GIGYF2: variants seen among roughly 807,000 people sequenced by gnomAD.
GIGYF2 encodes the protein GRB10 interacting GYF protein 2.
A neutral mutation model predicts 208.1 loss-of-function variants in GIGYF2; 25 were observed. That is an observed-to-expected ratio of 0.12 (90% confidence interval 0.09 to 0.17). The LOEUF is 0.17. Ranked by LOEUF, GIGYF2 falls within the 10% of genes least tolerant of loss-of-function variation. The pLI, the probability that GIGYF2 is intolerant of heterozygous loss-of-function variation, is 1.00. For synonymous variants in GIGYF2, 534 were observed against 543.8 expected (o/e 0.98, Z 0.25); for missense variants, 1,302 against 1,579.4 (o/e 0.82, Z 2.98).
intron 8 of GIGYF2, among the ~76,000 whole-genome samples, chr2:232,785,090 T>C (rs546631457): frequency 4.6e-5 from 6 of 129,672 alleles, no homozygotes; most frequent in African/African-American, 1.6e-4. Flanking sequence ...CTTCTTCTTC[T>C]TTTTTTTTTT....
At chr2:232,784,200 G>A (rs1354070771) in intron 8 of GIGYF2, among the ~76,000 whole-genome samples, 1 of 152,066 alleles carries the variant, frequency 6.6e-6, no homozygotes, top group African/African-American at 2.4e-5. Flanking sequence ...TTATACAGAA[G>A]TGCCCTTCTA....
chr2:232,753,109 T>G (rs1158374982), intron 5 of GIGYF2, among the ~76,000 whole-genome samples: 10 of 148,746 alleles, frequency 6.7e-5, no homozygotes, highest in Admixed American at 2.7e-4. Context: ...ATTTATTTAT[T>G]TATTTATTTA....
In GIGYF2 at chr2:232,812,040, A is replaced by G. The variant is rs1400459474; in HGVS notation, c.2007-351A>G. 2.6e-5 allele frequency among the ~76,000 whole-genome samples: 4 copies of G among 152,304 alleles called. No individual in the cohort carries two copies. In the East Asian group the frequency reaches 7.7e-4, roughly 29 times the overall value. ...ACTAAAATGCAGACCTTTTTTCATT[A>G]TAATATGCTGTCTCTGTGACTTCTA... On this transcript the variant is annotated intron_variant, in intron 17 of 28. Transcript: ENST00000373563.
At chr2:232,853,433 C>T (rs1479812042) in intron 28 of GIGYF2, among the ~76,000 whole-genome samples, 2 of 152,180 alleles carry the variant, frequency 1.3e-5, no homozygotes, top group South Asian at 2.1e-4. Flanking sequence ...CGTGCCACCA[C>T]GCCAGCTACT....
chr2:232,722,378 A>G (rs943882113), intron 2 of GIGYF2, among the ~76,000 whole-genome samples: 3 of 152,146 alleles, frequency 2.0e-5, no homozygotes, highest in African/African-American at 7.2e-5. Context: ...AGAGCCCCTT[A>G]TAAAACCATC....
chr2:232,835,364 A>G (rs1480023682), intron 22 of GIGYF2, among the ~76,000 whole-genome samples: 1 of 152,156 alleles, frequency 6.6e-6, no homozygotes, highest in Non-Finnish European at 1.5e-5. Context: ...CTGTCATCAT[A>G]CCTTCCTTTA....
intron 2 of GIGYF2, among the ~76,000 whole-genome samples, chr2:232,716,867 A>G (rs1696707019): frequency 1.3e-5 from 2 of 151,886 alleles, no homozygotes; most frequent in African/African-American, 2.4e-5. Context: ...GTGCAGTGTC[A>G]TGATCACAGC....
chr2:232,853,392 C>G (rs1690432665), intron 28 of GIGYF2, among the ~76,000 whole-genome samples: 1 of 152,198 alleles, frequency 6.6e-6, no homozygotes. Flanking sequence ...TTTCCCCTGC[C>G]TCAGCCTCCC....
chr2:232,817,250 A>G (rs549162836), intron 20 of GIGYF2, among the ~76,000 whole-genome samples: 5 of 152,324 alleles, frequency 3.3e-5, no homozygotes, highest in Admixed American at 2.0e-4. Flanking sequence ...TATTCTTTGC[A>G]TATTTCCTAG....
intron 19 of GIGYF2, among the ~76,000 whole-genome samples, chr2:232,816,508 T>G (rs1488478028): frequency 1.3e-5 from 2 of 152,178 alleles, no homozygotes; most frequent in African/African-American, 4.8e-5. Flanking sequence ...GATGTTACTC[T>G]CATGGGTGGT....
intron 5 of GIGYF2, 88 bp from the exon 6 acceptor site, chr2:232,756,135 G>C: frequency 1.3e-6 from 1 of 748,284 alleles, no homozygotes; most frequent in Non-Finnish European, 2.2e-6. Context: ...GGAATGTGGG[G>C]AGAAGCAACA....
At chr2:232,733,212 G>A (rs939064666) in intron 2 of GIGYF2, among the ~76,000 whole-genome samples, 2 of 149,714 alleles carry the variant, frequency 1.3e-5, no homozygotes, top group African/African-American at 4.9e-5. Context: ...AGCCGTGATC[G>A]CGCCACTGTA....
At chr2:232,828,364 T>G (rs1189931058) in intron 21 of GIGYF2, among the ~76,000 whole-genome samples, 1 of 151,640 alleles carries the variant, frequency 6.6e-6, no homozygotes, top group Non-Finnish European at 1.5e-5. Flanking sequence ...TTTTAAAAAT[T>G]TATTGACTTT....
intron 2 of GIGYF2, among the ~76,000 whole-genome samples, chr2:232,723,550 C>T (rs1364636491): frequency 1.3e-5 from 2 of 151,266 alleles, no homozygotes; most frequent in Non-Finnish European, 2.9e-5. Context: ...CTGCCTCAGC[C>T]TCCCGAGTAG....
In GIGYF2 at chr2:232,812,482, C is replaced by A; in HGVS notation, c.2098C>A (p.Gln700Lys). 1.5e-6 allele frequency: 2 copies of A among 1,376,294 alleles called. No homozygotes were observed. The highest frequency in any genetic ancestry group is 2.1e-6 in the Non-Finnish European group (2 of 963,332). 85.3% of individuals were successfully genotyped at this position (1,376,294 alleles called of 1,614,324 possible). ...CTGGGAGCTTCAGCCAACAGCTTCA[C>A]AGCCTACAGGTAAAAACTTAGATTA... is the stretch of plus-strand genomic sequence containing the variant. ...SIWELQPTAS[Q>K]PTVWEGGSVW... The change falls in exon 18 of 29, where the codon CAG (glutamine) becomes AAG (lysine). Residue 700 changes from glutamine (Q) to lysine (K), a missense_variant. By Grantham distance (53) the Gln-to-Lys change is moderately conservative. This residue lies in a region of GIGYF2 where 701 missense variants were observed against 793.0 expected (regional missense o/e 0.88). Transcript: ENST00000373563.
At chr2:232,815,899 C>T in intron 19 of GIGYF2, 162 bp downstream of exon 19, 1 of 601,006 alleles carries the variant, frequency 1.7e-6, no homozygotes, top group Non-Finnish European at 3.0e-6. Flanking sequence ...GTGCTCTCTT[C>T]TCCCAAAAAA....
intron 6 of GIGYF2, among the ~76,000 whole-genome samples, chr2:232,759,691 TA>T (rs1049195769): frequency 1.8e-4 from 27 of 152,158 alleles, no homozygotes; most frequent in African/African-American, 6.3e-4. Flanking sequence ...TTTTTTTAAT[TA>T]CAGTGAACAT....
intron 8 of GIGYF2, among the ~76,000 whole-genome samples, chr2:232,785,577 A>G (rs374404624): frequency 3.9e-5 from 6 of 152,370 alleles, no homozygotes; most frequent in East Asian, 3.9e-4. Flanking sequence ...CTTCAGCTGC[A>G]TTCTGTTAGT....
At chr2:232,711,688 A>C (rs1248000618) in intron 2 of GIGYF2, among the ~76,000 whole-genome samples, 3 of 91,780 alleles carry the variant, frequency 3.3e-5, no homozygotes, top group African/African-American at 1.2e-4. Context: ...ATGAAGGAAA[A>C]TTATCCTCAC....
Sources: allele counts gnomAD v4.1 joint callset (sites outside exome capture counted in the v4.1 genomes callset), GRCh38; gene constraint gnomAD v4.1.1; regional missense constraint gnomAD v4.1.1; transcripts MANE v1.5; gene names NCBI Gene and HGNC (gene_info 2026-07-23, HGNC 2026-07-21).